Variants in TAF1B observed in about 807,000 individuals in gnomAD.
TAF1B encodes the protein TATA box-binding protein-associated factor RNA polymerase I subunit B.
TAF1B carries 61 observed loss-of-function variants against 83.9 expected under a neutral mutation model. The observed-to-expected ratio is 0.73, with a 90% CI of 0.59 to 0.90. The LOEUF (loss-of-function observed/expected upper bound fraction) is 0.90. Ranked by LOEUF, TAF1B falls within the 40% of genes least tolerant of loss-of-function variation. The probability of loss-of-function intolerance (pLI) is 0.00; values close to 1 mark genes in which losing one functional copy is unlikely to be tolerated. For missense variants in TAF1B, 625 were observed against 677.0 expected, an observed-to-expected ratio of 0.92 and a Z score of 0.85; for synonymous variants, 221 against 224.6, an observed-to-expected ratio of 0.98 and a Z score of 0.14.
At chr2:9,878,757 C>A (rs1327783387) in intron 7 of TAF1B, among the ~76,000 whole-genome samples, 2 of 152,174 alleles carry the variant, frequency 1.3e-5, no homozygotes, top group East Asian at 3.8e-4. Context: ...CTTGCTCTCA[C>A]AAATTTCAAG....
intron 6 of TAF1B, 99 bp from the exon 7 acceptor site, chr2:9,875,766 A>G: frequency 7.6e-7 from 1 of 1,318,442 alleles, no homozygotes; most frequent in Non-Finnish European, 1.0e-6. Context: ...CAGCCAAACC[A>G]TGTCAATATT....
intron 12 of TAF1B, among the ~76,000 whole-genome samples, chr2:9,916,832 CT>C (rs908859770): frequency 7.0e-5 from 4 of 57,238 alleles, no homozygotes; most frequent in Non-Finnish European, 9.7e-5. Flanking sequence ...AATTTCCTTT[CT>C]GTTCTTTTTT....
At chr2:9,908,805 C>T (rs1278127128) in intron 9 of TAF1B, among the ~76,000 whole-genome samples, 1 of 152,236 alleles carries the variant, frequency 6.6e-6, no homozygotes, top group Non-Finnish European at 1.5e-5. Context: ...ACATTCAACA[C>T]TAAAGCCTTG....
chr2:9,896,130 G>A (rs1198022877), intron 8 of TAF1B, among the ~76,000 whole-genome samples: 1 of 152,184 alleles, frequency 6.6e-6, no homozygotes, highest in Non-Finnish European at 1.5e-5. Context: ...CACTCGAGAA[G>A]CCCTGTATGT....
At chr2:9,921,254 G>A (rs1295648169) in intron 14 of TAF1B, among the ~76,000 whole-genome samples, 1 of 152,040 alleles carries the variant, frequency 6.6e-6, no homozygotes, top group Non-Finnish European at 1.5e-5. Context: ...ACCATACCCA[G>A]CTAATTTTTT....
At chr2:9,933,092 G>A (rs746616856) in intron 14 of TAF1B, among the ~76,000 whole-genome samples, 6 of 152,198 alleles carry the variant, frequency 3.9e-5, no homozygotes, top group Non-Finnish European at 8.8e-5. Context: ...GCTTCCCTTG[G>A]CTAGGAAAGG....
intron 3 of TAF1B, 109 bp from the exon 4 acceptor site, chr2:9,851,432 A>C (rs1333853319): frequency 1.7e-5 from 15 of 892,252 alleles, no homozygotes; most frequent in Non-Finnish European, 2.5e-5. Flanking sequence ...TAATTGAAAA[A>C]AAAAGAAAAA....
intron 5 of TAF1B, among the ~76,000 whole-genome samples, chr2:9,862,873 A>C (rs1180592303): frequency 3.3e-5 from 5 of 152,160 alleles, no homozygotes; most frequent in Non-Finnish European, 5.9e-5. Flanking sequence ...GAAATAAAAT[A>C]CTTTACAGAC....
intron 13 of TAF1B, 140 bp downstream of exon 13, chr2:9,919,251 G>A (rs1306618493): frequency 4.4e-6 from 3 of 684,958 alleles, no homozygotes; most frequent in East Asian, 5.4e-5. Flanking sequence ...ATCCAAAGGA[G>A]CATCATACTC....
chr2:9,932,995 T>A (rs1344930052), intron 14 of TAF1B, among the ~76,000 whole-genome samples: 1 of 152,186 alleles, frequency 6.6e-6, no homozygotes, highest in East Asian at 1.9e-4. Flanking sequence ...CAGGTTATAA[T>A]CTCCTGGTGT....
chr2:9,844,580 T>C (rs1663140052), intron 1 of TAF1B: 1 of 152,242 alleles, frequency 6.6e-6, no homozygotes, highest in Admixed American at 6.5e-5. Context: ...AGCAGTACGG[T>C]CTTATAGTAG....
At chr2:9,926,794 G>T (rs1182149199) in intron 14 of TAF1B, among the ~76,000 whole-genome samples, 1 of 121,364 alleles carries the variant, frequency 8.2e-6, no homozygotes, top group African/African-American at 2.9e-5. Flanking sequence ...AGCGGGGTGA[G>T]ACTCTGTCTC....
intron 5 of TAF1B, among the ~76,000 whole-genome samples, chr2:9,856,485 C>G (rs1332933628): frequency 1.3e-5 from 2 of 152,012 alleles, no homozygotes; most frequent in Non-Finnish European, 2.9e-5. Flanking sequence ...AGATACTTCC[C>G]AAGAAAATCG....
intron 8 of TAF1B, among the ~76,000 whole-genome samples, chr2:9,902,885 G>A (rs374197): frequency 0.28 from 42,472 of 151,914 alleles, 6,918 homozygotes; most frequent in Middle Eastern, 0.4. Context: ...CAGAAATGTT[G>A]GTTTTCTGAA....
At chr2:9,864,262 G>A (rs1663886019) in intron 5 of TAF1B, among the ~76,000 whole-genome samples, 2 of 146,306 alleles carry the variant, frequency 1.4e-5, no homozygotes, top group South Asian at 2.2e-4. Context: ...ATGATAAAGG[G>A]AATATCACCA....
At chr2:9,850,876 C>G (rs1414202643) in intron 3 of TAF1B, among the ~76,000 whole-genome samples, 3 of 152,196 alleles carry the variant, frequency 2.0e-5, no homozygotes, top group Non-Finnish European at 4.4e-5. Context: ...CTGGCACACA[C>G]TTGGCACCTA....
In TAF1B at chr2:9,914,590, G is replaced by GGCCC. The variant is rs547325650; in HGVS notation, c.1271+1342_1271+1345dup. Among the ~76,000 whole-genome samples the GGCCC allele has an allele frequency of 3.2e-3, 494 of 152,226 alleles. 2 individuals carry two copies. Among genetic ancestry groups the GGCCC allele is most frequent in the South Asian group, 7.5e-3 (36 of 4,816 alleles). ...CTACACTTTAAACATAGCTCTTGGA[G>GGCCC]GCCCAGTTCATTATTGCAGTGTTAT... On this transcript the variant is annotated intron_variant, in intron 12 of 14. Transcript: ENST00000263663. The surrounding 1 kb of genome is among the most constrained non-coding windows in gnomAD (Gnocchi z 4.3).
chr2:9,878,463 AAGGG>A (rs1367772455), intron 7 of TAF1B, among the ~76,000 whole-genome samples: 1 of 152,154 alleles, frequency 6.6e-6, no homozygotes, highest in African/African-American at 2.4e-5. Flanking sequence ...ACACAGTTTT[AAGGG>A]AGTATGTTAT....
chr2:9,859,101 A>G (rs1208280505), intron 5 of TAF1B, among the ~76,000 whole-genome samples: 2 of 152,214 alleles, frequency 1.3e-5, no homozygotes, highest in African/African-American at 4.8e-5. Context: ...CTTTTAAATA[A>G]AAGTTCCAGT....
Sources: allele counts gnomAD v4.1 joint callset (sites outside exome capture counted in the v4.1 genomes callset), GRCh38; gene constraint gnomAD v4.1.1; non-coding constraint Gnocchi (gnomAD v3.1); transcripts MANE v1.5; gene names NCBI Gene and HGNC (gene_info 2026-07-23, HGNC 2026-07-21).